FGF12: variants seen among roughly 807,000 people sequenced by gnomAD.
The protein encoded by FGF12 is fibroblast growth factor 12, also known as fibroblast growth factor 12B.
Under a neutral mutation model 23.6 loss-of-function variants are expected in FGF12, and 14 were observed. The ratio of observed to expected loss-of-function variants is 0.59; its 90% CI spans 0.39 to 0.93. The LOEUF (loss-of-function observed/expected upper bound fraction) is 0.93. Among genes scored for constraint, FGF12 ranks in the 40% least tolerant of loss-of-function variants. FGF12 has a pLI of 0.00. For synonymous variants in FGF12, 62 were observed against 77.3 expected, an observed-to-expected ratio of 0.80 and a Z score of 1.04; for missense variants, 175 against 217.8, an observed-to-expected ratio of 0.80 and a Z score of 1.24.
At chr3:192,371,678 A>G (rs1719238246) in intron 2 of FGF12, among the ~76,000 whole-genome samples, 1 of 152,226 alleles carries the variant, frequency 6.6e-6, no homozygotes, top group Non-Finnish European at 1.5e-5. Context: ...AATGCCAGGC[A>G]CTTTATGTGG....
At chr3:192,544,497 G>A (rs1016755125) in intron 2 of FGF12, among the ~76,000 whole-genome samples, 1 of 152,162 alleles carries the variant, frequency 6.6e-6, no homozygotes, top group African/African-American at 2.4e-5. Context: ...TTTAGAAGGA[G>A]TAAGTTTCGA....
intron 4 of FGF12, among the ~76,000 whole-genome samples, chr3:192,308,652 C>T (rs1715779712): frequency 6.6e-6 from 1 of 151,608 alleles, no homozygotes. Flanking sequence ...TGCACTCCAG[C>T]CTGGCCAACA....
chr3:192,318,747 C>G (rs1391082003), intron 4 of FGF12, among the ~76,000 whole-genome samples: 2 of 151,888 alleles, frequency 1.3e-5, no homozygotes, highest in African/African-American at 4.8e-5. Context: ...TTATAAACAT[C>G]AAGCAGATTT....
chr3:192,295,266 C>T (rs1204328735), intron 4 of FGF12, among the ~76,000 whole-genome samples: 1 of 152,184 alleles, frequency 6.6e-6, no homozygotes, highest in Non-Finnish European at 1.5e-5. Context: ...GATTTCCGCA[C>T]TCCCAGTTCA....
At chr3:192,384,132 T>C (rs920411353) in intron 2 of FGF12, among the ~76,000 whole-genome samples, 15 of 152,248 alleles carry the variant, frequency 9.9e-5, no homozygotes, top group South Asian at 2.1e-4. Context: ...TTAGATTTGG[T>C]AAATTAGACA....
At chr3:192,208,719 T>C (rs763187350) in intron 4 of FGF12, among the ~76,000 whole-genome samples, 1 of 152,224 alleles carries the variant, frequency 6.6e-6, no homozygotes, top group Admixed American at 6.5e-5. Context: ...CTTTGAGGAA[T>C]GCTTTCAGAG....
At chr3:192,630,379 T>TG (rs1715337851) in intron 2 of FGF12, among the ~76,000 whole-genome samples, 1 of 151,862 alleles carries the variant, frequency 6.6e-6, no homozygotes, top group African/African-American at 2.4e-5. Context: ...GCCTGCTATT[T>TG]GGGAATTATT....
intron 3 of FGF12, among the ~76,000 whole-genome samples, chr3:192,344,003 T>C (rs1412578453): frequency 7.0e-6 from 1 of 142,472 alleles, no homozygotes; most frequent in East Asian, 2.1e-4. Flanking sequence ...TTTAATGAGG[T>C]TGCAATTTTT....
intron 2 of FGF12, among the ~76,000 whole-genome samples, chr3:192,513,760 G>C (rs1271866663): frequency 2.6e-5 from 4 of 152,146 alleles, no homozygotes; most frequent in Non-Finnish European, 5.9e-5. Context: ...ATGTATTAGG[G>C]TGTCATTGTT....
At position 192,142,006 on chromosome 3, in the gene FGF12, TAG is replaced by T. The variant is rs1450017820; in HGVS notation, c.*2001_*2002del. ...CAAGAGTGACAAGAAGAAATACAGCTAGAGTTATATTTTTGCCCCAGGGGTAT... is the reference window on the plus strand; with the variant it reads ...CAAGAGTGACAAGAAGAAATACAGCTAGTTATATTTTTGCCCCAGGGGTAT... On this transcript the variant is annotated 3_prime_UTR_variant, in exon 6 of 6. Transcript: ENST00000445105. 1 of 152,360 alleles carries T rather than the reference TAG, an allele frequency of 6.6e-6. No homozygotes were observed. Among genetic ancestry groups the T allele is most frequent in the Non-Finnish European group, 1.5e-5 (1 of 67,876 alleles). The allele number at this position is 152,360 out of a possible 1,614,324, so 9.4% of individuals were successfully genotyped here.
chr3:192,407,343 AG>A (rs1213062412), intron 2 of FGF12, among the ~76,000 whole-genome samples: 4 of 152,172 alleles, frequency 2.6e-5, no homozygotes, highest in African/African-American at 9.7e-5. Flanking sequence ...GTAATAGGAC[AG>A]AAACGTTAAT....
chr3:192,366,363 T>C (rs1718984014), intron 2 of FGF12, among the ~76,000 whole-genome samples: 1 of 152,138 alleles, frequency 6.6e-6, no homozygotes, highest in African/African-American at 2.4e-5. Context: ...GTTCTGCATA[T>C]AAACTCCAAT....
intron 2 of FGF12, among the ~76,000 whole-genome samples, chr3:192,720,361 T>G (rs1173937123): frequency 6.6e-6 from 1 of 152,250 alleles, no homozygotes; most frequent in Non-Finnish European, 1.5e-5. Context: ...GACTTCTGCC[T>G]AGGTGCCATC....
chr3:192,457,446 G>A (rs1379396430), intron 2 of FGF12, among the ~76,000 whole-genome samples: 2 of 152,216 alleles, frequency 1.3e-5, no homozygotes, highest in African/African-American at 4.8e-5. Context: ...TCCAGGCTGA[G>A]ATGGTCTCAG....
At chr3:192,362,821 C>T (rs995896057) in intron 2 of FGF12, among the ~76,000 whole-genome samples, 1 of 152,096 alleles carries the variant, frequency 6.6e-6, no homozygotes, top group Non-Finnish European at 1.5e-5. Context: ...AAGAAGCATT[C>T]TGAGAAAAGA....
Position 192,727,529 on chromosome 3 carries a change from C to T in FGF12, c.-176G>A, listed in dbSNP as rs1719265886. On this transcript the variant is annotated 5_prime_UTR_variant, in exon 1 of 6. Transcript: ENST00000445105. ...CAGGAGCTGTCCTCCGAGCGTGGTG[C>T]TGCAGGTGTAGTGACAGATCATCCC... 1 of 500,154 alleles carries T rather than the reference C, an allele frequency of 2.0e-6. No homozygotes were observed. The highest frequency in any genetic ancestry group is 2.0e-5 in the African/African-American group (1 of 50,356). 31.0% of individuals were successfully genotyped at this position (500,154 alleles called of 1,614,324 possible).
intron 3 of FGF12, among the ~76,000 whole-genome samples, chr3:192,337,622 T>A (rs6766383): frequency 0.39 from 59,833 of 152,110 alleles, 16,403 homozygotes; most frequent in East Asian, 0.81. Context: ...ACTCAGTCAC[T>A]TGGCTTTGAG....
At chr3:192,430,734 G>C (rs1483102615) in intron 2 of FGF12, among the ~76,000 whole-genome samples, 1 of 152,130 alleles carries the variant, frequency 6.6e-6, no homozygotes, top group African/African-American at 2.4e-5. Flanking sequence ...GGGTGAAAGG[G>C]GGAATGAGGG....
intron 2 of FGF12, among the ~76,000 whole-genome samples, chr3:192,420,167 C>T (rs890299099): frequency 4.6e-5 from 7 of 152,014 alleles, no homozygotes; most frequent in African/African-American, 1.7e-4. Flanking sequence ...AGCCGATGAG[C>T]TTAAAGGTGA....
Sources: allele counts gnomAD v4.1 joint callset (sites outside exome capture counted in the v4.1 genomes callset), GRCh38; gene constraint gnomAD v4.1.1; transcripts MANE v1.5; gene names NCBI Gene and HGNC (gene_info 2026-07-23, HGNC 2026-07-21).